The following ABCB5 variants were observed in gnomAD, a reference collection of about 807,000 sequenced individuals.
ABCB5 encodes the protein ATP binding cassette subfamily B member 5, also known as ATP-binding cassette sub-family B member 5.
In ABCB5, 155 loss-of-function variants were observed where a neutral mutation model predicts 144.2. That is an observed-to-expected ratio of 1.08 (90% CI 0.94 to 1.23). The LOEUF (loss-of-function observed/expected upper bound fraction) is 1.23, where lower values mean the gene tolerates loss of function less well. Ranked by LOEUF, ABCB5 falls within the 50% of genes most tolerant of loss-of-function variation. The pLI is 0.00. For missense variants in ABCB5, 1,830 were observed against 1,520.8 expected (o/e 1.20, Z -3.38); for synonymous variants, 610 against 528.6 (o/e 1.15, Z -2.11).
chr7:20,623,410 G>T, intron 2 of ABCB5, 72 bp downstream of exon 2: 1 of 1,230,684 alleles, frequency 8.1e-7, no homozygotes, highest in Non-Finnish European at 1.1e-6. Context: ...CACACCTATA[G>T]CAAAAATGTT....
intron 16 of ABCB5, among the ~76,000 whole-genome samples, chr7:20,693,467 T>C (rs1315090115): frequency 6.6e-6 from 1 of 152,120 alleles, no homozygotes; most frequent in Non-Finnish European, 1.5e-5. Context: ...AACCTTGAAA[T>C]ATTTATAAAC....
intron 26 of ABCB5, among the ~76,000 whole-genome samples, chr7:20,747,881 C>T (rs181526979): frequency 6.6e-6 from 1 of 152,190 alleles, no homozygotes; most frequent in African/African-American, 2.4e-5. Context: ...TACTAAATGC[C>T]TTCGGTTAGT....
chr7:20,664,852 G>C (rs1399601092), intron 14 of ABCB5, among the ~76,000 whole-genome samples: 6 of 152,178 alleles, frequency 3.9e-5, no homozygotes, highest in Non-Finnish European at 8.8e-5. Context: ...CTACTTGGGA[G>C]GCTACAGTGG....
At chr7:20,696,912 T>C (rs1180926886) in intron 16 of ABCB5, among the ~76,000 whole-genome samples, 5 of 152,180 alleles carry the variant, frequency 3.3e-5, no homozygotes, top group African/African-American at 1.2e-4. Flanking sequence ...ACCTATGTAA[T>C]GTAGATCGTT....
At position 20,751,890 on chromosome 7, in the gene ABCB5, G is replaced by A. The variant is rs149643958; in HGVS notation, c.3430-1470G>A. On this transcript the variant is annotated intron_variant, in intron 26 of 27. Transcript: ENST00000404938. ...TATTCTTTGTAGAGCATTCACGTCAGAGAAGATATTTTTACTAGGCTTTAG... is the reference window on the plus strand; with the variant it reads ...TATTCTTTGTAGAGCATTCACGTCAAAGAAGATATTTTTACTAGGCTTTAG... Among the ~76,000 whole-genome samples the A allele has an allele frequency of 3.3e-5, 5 of 152,232 alleles. No individual in the cohort carries two copies. The South Asian group carries it at 8.3e-4, about 25-fold the overall frequency.
At position 20,755,771 on chromosome 7, in the gene ABCB5, C is replaced by T; in HGVS notation, c.*147C>T. 2.6e-6 allele frequency: 2 copies of T among 757,390 alleles called. No homozygotes were observed. Among genetic ancestry groups the T allele is most frequent in the Admixed American group, 3.1e-5 (1 of 32,410 alleles). 46.9% of individuals were successfully genotyped at this position (757,390 alleles called of 1,614,324 possible). A position where few individuals can be genotyped will look rare whatever the true frequency, so the allele number is the denominator to read the frequency against. Reference sequence around the variant, plus strand: ...AGTACATACATGTTCTATTCACACACCATCTGACCTTCAGATTTTTAAAAG... The same window carrying T: ...AGTACATACATGTTCTATTCACACATCATCTGACCTTCAGATTTTTAAAAG... On this transcript the variant is annotated 3_prime_UTR_variant, in exon 28 of 28. Coordinates refer to ENST00000404938, the MANE Select transcript of ABCB5 (RefSeq NM_001163941.2).
intron 25 of ABCB5, among the ~76,000 whole-genome samples, chr7:20,744,282 G>A (rs1016580449): frequency 6.6e-6 from 1 of 152,016 alleles, no homozygotes; most frequent in East Asian, 1.9e-4. Context: ...TAACCAGGGT[G>A]GTCTTGAACT....
chr7:20,732,955 C>T (rs753892132), intron 23 of ABCB5, among the ~76,000 whole-genome samples: 30 of 152,140 alleles, frequency 2.0e-4, no homozygotes, highest in Non-Finnish European at 1.9e-4. Context: ...ATTGCTATAA[C>T]GGCAAATCTT....
At position 20,711,840 on chromosome 7, in the gene ABCB5, CTTT is replaced by C. The variant is rs1562573764; in HGVS notation, c.2421+7034_2421+7036del. Among the ~76,000 whole-genome samples, 21 of 54,744 alleles carry C rather than the reference CTTT, an allele frequency of 3.8e-4. 3 individuals are homozygous for C. The highest frequency in any genetic ancestry group is 3.1e-3 in the African/African-American group (21 of 6,718). The allele number at this position is 54,744 out of a possible 152,430, so 35.9% of individuals were successfully genotyped here. On this transcript the variant is annotated intron_variant, in intron 20 of 27. Coordinates refer to ENST00000404938, the MANE Select transcript of ABCB5 (RefSeq NM_001163941.2). Reference sequence around the variant, plus strand: ...TCTTTCTTTCTTTCTTTCTTTCTTTCTTTCTTTTCTTTCTTTCTTTCCTTCCTC... The same window carrying C: ...TCTTTCTTTCTTTCTTTCTTTCTTTCCTTTTCTTTCTTTCTTTCCTTCCTC...
intron 13 of ABCB5, 170 bp downstream of exon 13, chr7:20,651,793 G>A: frequency 1.6e-6 from 1 of 623,694 alleles, no homozygotes; most frequent in Non-Finnish European, 2.7e-6. Flanking sequence ...TTTGAATGAG[G>A]TCCAACACAA....
intron 20 of ABCB5, among the ~76,000 whole-genome samples, chr7:20,719,646 C>T (rs769210894): frequency 2.0e-5 from 3 of 152,084 alleles, no homozygotes; most frequent in Non-Finnish European, 4.4e-5. Flanking sequence ...GTGGCAGCCC[C>T]GTGCAGGGAA....
intron 13 of ABCB5, among the ~76,000 whole-genome samples, chr7:20,656,776 T>C (rs1583400453): frequency 2.6e-5 from 4 of 152,106 alleles, no homozygotes; most frequent in African/African-American, 4.8e-5. Flanking sequence ...AATGAAAACA[T>C]GACCACAAAA....
At chr7:20,736,210 TTTG>T (rs552890519) in intron 23 of ABCB5, among the ~76,000 whole-genome samples, 137 of 152,236 alleles carry the variant, frequency 9.0e-4, no homozygotes, top group Non-Finnish European at 1.5e-3. Flanking sequence ...TTTTTTCTTT[TTTG>T]TTGTTGTTGT....
At position 20,728,311 on chromosome 7, in the gene ABCB5, C is replaced by A. The variant is rs1782101324; in HGVS notation, c.2727-4C>A. On this transcript the variant is annotated splice_region_variant and splice_polypyrimidine_tract_variant and intron_variant, in intron 22 of 27. Coordinates refer to ENST00000404938, the MANE Select transcript of ABCB5 (RefSeq NM_001163941.2). ...CATTATTTGGTAAATTTTGTACATT[C>A]CAGAAATACCTCGAAGAAAGCACAG... is the stretch of plus-strand genomic sequence containing the variant. 2 of 1,613,202 alleles carry A rather than the reference C, an allele frequency of 1.2e-6. No individual in the cohort carries two copies. Among genetic ancestry groups the A allele is most frequent in the East Asian group, 2.2e-5 (1 of 44,858 alleles).
At position 20,643,637 on chromosome 7, in the gene ABCB5, G is replaced by A. The variant is rs1248961514; in HGVS notation, c.678+5G>A. 6.2e-7 allele frequency: 1 copy of A among 1,613,686 alleles called. No individual in the cohort carries two copies. Among genetic ancestry groups the A allele is most frequent in the Non-Finnish European group, 8.5e-7 (1 of 1,179,744 alleles). ...TCAGCGGCAGCATGTTCTAGGGTAAGTGAGATGGCTAATGCAATATTGAAT... is the reference window on the plus strand; with the variant it reads ...TCAGCGGCAGCATGTTCTAGGGTAAATGAGATGGCTAATGCAATATTGAAT... On this transcript the variant is annotated splice_donor_5th_base_variant and intron_variant, in intron 7 of 27. Transcript: ENST00000404938.
At position 20,756,408 on chromosome 7, in the gene ABCB5, CGAG is replaced by C. The variant is rs1783089448; in HGVS notation, c.*789_*791del. ...CTGTAATCCCAGAACTTTGGGAGGCCGAGGAGGGCGGATCACTTGAGGTCAGGA... is the reference window on the plus strand; with the variant it reads ...CTGTAATCCCAGAACTTTGGGAGGCCGAGGGCGGATCACTTGAGGTCAGGA... On this transcript the variant is annotated 3_prime_UTR_variant, in exon 28 of 28. Transcript: ENST00000404938. 1 of 152,218 alleles carries C rather than the reference CGAG, an allele frequency of 6.6e-6. No individual in the cohort carries two copies. Among genetic ancestry groups the C allele is most frequent in the Admixed American group, 6.6e-5 (1 of 15,256 alleles). The allele number at this position is 152,218 out of a possible 1,614,324, so 9.4% of individuals were successfully genotyped here. A position where few individuals can be genotyped will look rare whatever the true frequency, so the allele number is the denominator to read the frequency against.
intron 1 of ABCB5, among the ~76,000 whole-genome samples, chr7:20,616,536 T>A (rs957256205): frequency 2.6e-5 from 4 of 152,206 alleles, no homozygotes; most frequent in Admixed American, 2.6e-4. Context: ...TCCTTATAAA[T>A]AAAATATTCT....
chr7:20,742,925 C>T lies in ABCB5; in HGVS notation c.3073C>T (p.Pro1025Ser), dbSNP rs1381658988. 6.2e-7 allele frequency: 1 copy of T among 1,614,188 alleles called. No homozygotes were observed. Among genetic ancestry groups the T allele is most frequent in the Non-Finnish European group, 8.5e-7 (1 of 1,180,040 alleles). Residue 1025 changes from proline to serine, a missense_variant, in exon 25 of 28, where the codon CCA (proline) becomes TCA (serine). Transcript: ENST00000404938. ...GTTTCGAGAAGTCTCTTTCTTCTATCCATGTCGCCCAGATGTTTTCATCCT... is the reference window on the plus strand; with the variant it reads ...GTTTCGAGAAGTCTCTTTCTTCTATTCATGTCGCCCAGATGTTTTCATCCT... ...LEFREVSFFYPCRPDVFILRG... is the reference protein window; with the variant it reads ...LEFREVSFFYSCRPDVFILRG...
At position 20,628,805 on chromosome 7, in the gene ABCB5, C is replaced by T; in HGVS notation, c.226C>T (p.Leu76Phe). The T allele has an allele frequency of 6.2e-7, 1 of 1,613,706 alleles. No homozygotes were observed. The highest frequency in any genetic ancestry group is 8.5e-7 in the Non-Finnish European group (1 of 1,179,784). ...GGTTTTAGGAGAAATGAGTGATAAC[C>T]TTATTAGTGGATGTCTAGTCCAAAC... is the stretch of plus-strand genomic sequence containing the variant. ...PLVLGEMSDN[L>F]ISGCLVQTNT... Residue 76 changes from leucine (L) to phenylalanine (F), a missense_variant, in exon 4 of 28, where the codon CTT becomes TTT. Transcript: ENST00000404938.
Sources: allele counts gnomAD v4.1 joint callset (sites outside exome capture counted in the v4.1 genomes callset), GRCh38; gene constraint gnomAD v4.1.1; transcripts MANE v1.5; gene names NCBI Gene and HGNC (gene_info 2026-07-23, HGNC 2026-07-21).